Variants in MMAA observed in about 807,000 individuals in gnomAD.
MMAA encodes the protein methylmalonic aciduria type A protein, mitochondrial.
MMAA carries 41 observed loss-of-function variants against 45.0 expected under a neutral mutation model. The ratio of observed to expected loss-of-function variants is 0.91; its 90% CI spans 0.71 to 1.18. The LOEUF is 1.18. Ranked by LOEUF, MMAA falls within the 50% of genes most tolerant of loss-of-function variation. MMAA has a pLI of 0.00. For synonymous variants in MMAA, 154 were observed against 178.2 expected (o/e 0.86, Z 1.08); for missense variants, 460 against 495.7 (o/e 0.93, Z 0.68).
intron 2 of MMAA, 98 bp from the exon 3 acceptor site, chr4:145,642,265 G>A (rs1727808084): frequency 7.6e-7 from 1 of 1,318,612 alleles, no homozygotes; most frequent in South Asian, 1.2e-5. Flanking sequence ...TAATACATTA[G>A]GGGAAATAGA....
chr4:145,634,534 A>G lies in MMAA; in HGVS notation c.-65-4541A>G, dbSNP rs558293226. ...AAGGCCTGGAACTGGGGACCCGAAG[A>G]GCCCATTTGTTTCTCTACCCCACTG... is the stretch of plus-strand genomic sequence containing the variant. On this transcript the variant is annotated intron_variant, in intron 1 of 6. Transcript: ENST00000649156. 6.4e-4 allele frequency among the ~76,000 whole-genome samples: 97 copies of G among 151,830 alleles called. 1 individual carries two copies. Among genetic ancestry groups the G allele is most frequent in the Non-Finnish European group, 1.2e-3 (81 of 67,990 alleles).
rs778057240 is a variant in MMAA, at chr4:145,651,054, A to G, written c.734-8A>G. The stretch of plus-strand genomic sequence containing the variant: ...ATTTTAGGATATAGTTGTGATTTAC[A>G]ATTTCAGGTGTGGGTCAGTCGGAGT... On this transcript the variant is annotated splice_polypyrimidine_tract_variant and splice_region_variant and intron_variant, in intron 4 of 6. Transcript: ENST00000649156. 66 of 1,613,632 alleles carry G rather than the reference A, an allele frequency of 4.1e-5. No individual in the cohort carries two copies. In the East Asian group the frequency reaches 9.4e-4, roughly 23 times the overall value.
At chr4:145,641,349 C>G (rs901411977) in intron 2 of MMAA, among the ~76,000 whole-genome samples, 2 of 152,088 alleles carry the variant, frequency 1.3e-5, no homozygotes, top group African/African-American at 2.4e-5. Context: ...CTTATGAGGC[C>G]AGATAAACCT....
chr4:145,654,078 A>T lies in MMAA; in HGVS notation c.904A>T (p.Ile302Leu), dbSNP rs369128670. The change falls in exon 6 of 7, where the codon ATA (isoleucine) becomes TTA (leucine). Residue 302 changes from isoleucine to leucine, a missense_variant. Coordinates refer to ENST00000649156, the MANE Select transcript of MMAA (RefSeq NM_172250.3). Reference sequence around the variant, plus strand: ...AGACTTGATTGTGCCAGCTCGAAGGATACAAGCGGAATATGTGAGTGCACT... The same window carrying T: ...AGACTTGATTGTGCCAGCTCGAAGGTTACAAGCGGAATATGTGAGTGCACT... ...DGDLIVPARR[I>L]QAEYVSALKL... is the part of the protein sequence containing the mutation. 45 of 1,614,178 alleles carry T rather than the reference A, an allele frequency of 2.8e-5. No homozygotes were observed. The highest frequency in any genetic ancestry group is 3.3e-4 in the Middle Eastern group (2 of 6,060).
chr4:145,642,052 T>C (rs1727802564), intron 2 of MMAA, among the ~76,000 whole-genome samples: 1 of 152,142 alleles, frequency 6.6e-6, no homozygotes, highest in South Asian at 2.1e-4. Flanking sequence ...CTGAGCACAT[T>C]AACAATGGAG....
chr4:145,651,339 G>A (rs1054220988), intron 5 of MMAA, among the ~76,000 whole-genome samples, 192 bp downstream of exon 5: 1 of 152,142 alleles, frequency 6.6e-6, no homozygotes, highest in Non-Finnish European at 1.5e-5. Context: ...TAGAATATGT[G>A]TCCTTGAGAA....
At position 145,642,417 on chromosome 4, in the gene MMAA, A is replaced by G. The variant is rs199809221; in HGVS notation, c.494A>G (p.Lys165Arg). Residue 165 changes from lysine to arginine, a missense_variant, in exon 3 of 7, where the codon AAA becomes AGA. Transcript: ENST00000649156. ...TCAACATTTATAGAATATTTTGGAA[A>G]AATGCTTACTGAGAGAGGGCACAAA... ...GKSTFIEYFGKMLTERGHKLS... is the reference protein window; with the variant it reads ...GKSTFIEYFGRMLTERGHKLS... 63 of 1,614,164 alleles carry G rather than the reference A, an allele frequency of 3.9e-5. No individual in the cohort carries two copies. The East Asian group carries it at 1.4e-3, about 35-fold the overall frequency.
chr4:145,623,132 C>T lies in MMAA; in HGVS notation c.-66+3725C>T, dbSNP rs193031221. 1.6e-3 allele frequency among the ~76,000 whole-genome samples: 242 copies of T among 152,200 alleles called. 3 individuals are homozygous for T. The highest frequency in any genetic ancestry group is 5.1e-3 in the African/African-American group (213 of 41,530). ...GTTTTCATAAAGCTTCAATGAACAC[C>T]CCAAGGCACAAGTGTTGAAAATGGC... On this transcript the variant is annotated intron_variant, in intron 1 of 6. Coordinates refer to ENST00000649156, the MANE Select transcript of MMAA (RefSeq NM_172250.3).
intron 1 of MMAA, among the ~76,000 whole-genome samples, chr4:145,621,206 A>G (rs1428563122): frequency 6.6e-6 from 1 of 152,228 alleles, no homozygotes; most frequent in Non-Finnish European, 1.5e-5. Flanking sequence ...TAAGTGAAGG[A>G]ACTTTGAGAA....
Position 145,655,299 on chromosome 4 carries a change from T to C in MMAA, c.1122T>C (p.Ser374=). 6.2e-7 allele frequency: 1 copy of C among 1,614,086 alleles called. No homozygotes were observed. The highest frequency in any genetic ancestry group is 1.3e-5 in the African/African-American group (1 of 75,002). Residue 374 remains serine, a synonymous_variant, in exon 7 of 7, where the codon AGT becomes AGC. Transcript: ENST00000649156. ...GGATGTGGAATCTCATTCAGGAAAGTGTGTTAGAGCATTTCAGGACCCACC... is the reference window on the plus strand; with the variant it reads ...GGATGTGGAATCTCATTCAGGAAAGCGTGTTAGAGCATTTCAGGACCCACC... ...KVWMWNLIQE[S]VLEHFRTHPT...
intron 1 of MMAA, among the ~76,000 whole-genome samples, chr4:145,635,022 G>A (rs574031091): frequency 2.0e-5 from 3 of 152,086 alleles, no homozygotes; most frequent in East Asian, 3.9e-4. Context: ...TGGGATTAGG[G>A]AAGGAGTGAT....
intron 1 of MMAA, chr4:145,626,078 G>A (rs548762696): frequency 1.7e-4 from 139 of 828,528 alleles, no homozygotes; most frequent in Non-Finnish European, 2.5e-4. Flanking sequence ...TGGGGCAGTC[G>A]GAGGGGACCT....
At chr4:145,634,390 T>C (rs1329430060) in intron 1 of MMAA, among the ~76,000 whole-genome samples, 2 of 152,088 alleles carry the variant, frequency 1.3e-5, no homozygotes, top group African/African-American at 4.8e-5. Context: ...TGATGCTCCC[T>C]TAAGATCCAG....
rs114901930 is a variant in MMAA at position 145,653,770 on chromosome 4, A to T, written c.820-224A>T. Among the ~76,000 whole-genome samples, 836 of 152,350 alleles carry T rather than the reference A, an allele frequency of 5.5e-3. 8 individuals carry two copies. The highest frequency in any genetic ancestry group is 0.019 in the African/African-American group (799 of 41,578). On this transcript the variant is annotated intron_variant, in intron 5 of 6. Transcript: ENST00000649156. ...TTACCCTAATTCTGAATGTATTTCA[A>T]CATGTTAGTCTCTAAATTTGGAAGA... is the stretch of plus-strand genomic sequence containing the variant.
intron 1 of MMAA, chr4:145,624,486 C>T: frequency 1.1e-6 from 1 of 946,362 alleles, no homozygotes; most frequent in Non-Finnish European, 1.7e-6. Flanking sequence ...CTTAGGACTT[C>T]CTTCTTTGTA....
Position 145,655,326 on chromosome 4 carries a change from C to T in MMAA, c.1149C>T (p.Pro383=). The change falls in exon 7 of 7, where the codon CCC becomes CCT. Residue 383 remains proline, a synonymous_variant. Coordinates refer to ENST00000649156, the MANE Select transcript of MMAA (RefSeq NM_172250.3). ...ESVLEHFRTH[P]TVREQIPLLE... is the part of the protein sequence containing the mutation. ...TGTTAGAGCATTTCAGGACCCACCC[C>T]ACAGTCCGGGAACAGATTCCACTTC... 7 of 1,614,190 alleles carry T rather than the reference C, an allele frequency of 4.3e-6. No homozygotes were observed. Among genetic ancestry groups the T allele is most frequent in the Non-Finnish European group, 5.9e-6 (7 of 1,180,038 alleles).
chr4:145,648,655 C>T (rs1728007343), intron 4 of MMAA, among the ~76,000 whole-genome samples: 1 of 152,108 alleles, frequency 6.6e-6, no homozygotes, highest in African/African-American at 2.4e-5. Context: ...CTCAAAATAA[C>T]AGTGACTCAA....
intron 4 of MMAA, among the ~76,000 whole-genome samples, chr4:145,649,237 G>A (rs1728025241): frequency 6.6e-6 from 1 of 152,124 alleles, no homozygotes; most frequent in Non-Finnish European, 1.5e-5. Context: ...GTTCAAGGCT[G>A]CAGTGAGCCA....
chr4:145,639,247 A>G lies in MMAA; in HGVS notation c.108A>G (p.Ser36=), dbSNP rs1727708181. Residue 36 remains serine, a synonymous_variant, in exon 2 of 7, where the codon TCA becomes TCG. Coordinates refer to ENST00000649156, the MANE Select transcript of MMAA (RefSeq NM_172250.3). ...FIFHSSTHLG[S]GIPCAQPFNS... Reference sequence around the variant, plus strand: ...TTCACTCAAGTACTCATCTCGGATCAGGAATCCCATGTGCTCAGCCGTTTA... The same window carrying G: ...TTCACTCAAGTACTCATCTCGGATCGGGAATCCCATGTGCTCAGCCGTTTA... The G allele has an allele frequency of 6.2e-7, 1 of 1,614,228 alleles. No individual in the cohort carries two copies. Among genetic ancestry groups the G allele is most frequent in the South Asian group, 1.1e-5 (1 of 91,084 alleles).
Sources: gnomAD v4.1 joint callset for allele counts (sites outside exome capture counted in the v4.1 genomes callset) on GRCh38, gnomAD v4.1.1 for gene constraint, MANE v1.5 for transcripts, NCBI Gene and HGNC (gene_info 2026-07-23, HGNC 2026-07-21) for gene names.